UVRAG: variants seen among roughly 807,000 people sequenced by gnomAD.
UVRAG encodes the protein UV radiation resistance associated, also known as UV radiation resistance-associated gene protein.
Under a neutral mutation model 78.0 loss-of-function variants are expected in UVRAG, and 19 were observed. The observed-to-expected ratio is 0.24, with a 90% CI of 0.17 to 0.36. The LOEUF (loss-of-function observed/expected upper bound fraction) is 0.36. Among genes scored for constraint, UVRAG ranks in the 10% least tolerant of loss-of-function variants. The pLI is 1.00. For synonymous variants in UVRAG, 323 were observed against 324.6 expected, an observed-to-expected ratio of 1.00 and a Z score of 0.05; for missense variants, 740 against 853.8, an observed-to-expected ratio of 0.87 and a Z score of 1.66.
chr11:75,930,858 T>A (rs1591030952), intron 6 of UVRAG: 1 of 152,312 alleles, frequency 6.6e-6, no homozygotes, highest in East Asian at 1.9e-4. Context: ...TACTGAGTTT[T>A]CACTACCCAC....
chr11:76,088,395 A>G (rs1951631617), intron 13 of UVRAG, among the ~76,000 whole-genome samples: 1 of 151,974 alleles, frequency 6.6e-6, no homozygotes, highest in African/African-American at 2.4e-5. Flanking sequence ...TGTTATGTCC[A>G]CCCCTGCTTA....
At chr11:76,085,812 A>G (rs947710063) in intron 13 of UVRAG, among the ~76,000 whole-genome samples, 1 of 152,190 alleles carries the variant, frequency 6.6e-6, no homozygotes, top group Non-Finnish European at 1.5e-5. Flanking sequence ...CTTGTGATCA[A>G]GGTAAGCAGG....
intron 12 of UVRAG, among the ~76,000 whole-genome samples, chr11:76,057,911 T>TTTG (rs1018573309): frequency 5.3e-5 from 8 of 152,072 alleles, no homozygotes; most frequent in East Asian, 3.9e-4. Flanking sequence ...TTCACAGGTT[T>TTTG]TTGTTGTTGT....
intron 7 of UVRAG, among the ~76,000 whole-genome samples, chr11:75,971,037 T>C (rs893902253): frequency 2.0e-5 from 3 of 152,210 alleles, no homozygotes; most frequent in African/African-American, 7.2e-5. Context: ...CTCCCTCCTC[T>C]GGCAACTGAT....
Position 76,010,676 on chromosome 11 carries a change from G to T in UVRAG, c.1060+1809G>T, listed in dbSNP as rs977901213. On this transcript the variant is annotated intron_variant, in intron 11 of 14. Transcript: ENST00000356136. ...AAGATATCTATATCTGTAATTTCTT[G>T]TGATGATTGAATGAAATCACATTTG... Among the ~76,000 whole-genome samples, 25 of 152,102 alleles carry T rather than the reference G, an allele frequency of 1.6e-4. 1 individual carries two copies. The highest frequency in any genetic ancestry group is 1.4e-3 in the Admixed American group (22 of 15,266).
intron 13 of UVRAG, among the ~76,000 whole-genome samples, chr11:76,106,182 A>G (rs535420986): frequency 6.6e-6 from 1 of 152,300 alleles, no homozygotes; most frequent in East Asian, 1.9e-4. Flanking sequence ...CAGACTACTC[A>G]CACATATAGT....
At chr11:76,130,097 T>C (rs769109582) in intron 14 of UVRAG, among the ~76,000 whole-genome samples, 1 of 152,194 alleles carries the variant, frequency 6.6e-6, no homozygotes, top group African/African-American at 2.4e-5. Context: ...ATTGTTATCT[T>C]TCTTGATAAA....
At chr11:75,931,473 C>A (rs535951760) in intron 6 of UVRAG, among the ~76,000 whole-genome samples, 152 of 152,072 alleles carry the variant, frequency 1.0e-3, no homozygotes, top group African/African-American at 3.4e-3. Flanking sequence ...CTTTTGTTCC[C>A]CAAACAAACT....
chr11:76,037,799 A>G (rs1355755083), intron 12 of UVRAG, among the ~76,000 whole-genome samples: 1 of 152,194 alleles, frequency 6.6e-6, no homozygotes, highest in Non-Finnish European at 1.5e-5. Context: ...TGTAAATGGT[A>G]GGCAGAATTT....
intron 5 of UVRAG, among the ~76,000 whole-genome samples, chr11:75,894,259 A>G (rs1271834087): frequency 6.6e-6 from 1 of 152,090 alleles, no homozygotes. Flanking sequence ...GGAAAAAGTG[A>G]GGGTAAAAGT....
chr11:76,004,200 TC>T, intron 9 of UVRAG, 111 bp downstream of exon 9: 1 of 986,176 alleles, frequency 1.0e-6, no homozygotes. Flanking sequence ...CCCATATACC[TC>T]AGTACCACAT....
At chr11:75,874,487 A>G (rs966337804) in intron 3 of UVRAG, among the ~76,000 whole-genome samples, 3 of 152,196 alleles carry the variant, frequency 2.0e-5, no homozygotes, top group African/African-American at 7.2e-5. Flanking sequence ...ATTATGATGC[A>G]TTTTATGATT....
intron 6 of UVRAG, among the ~76,000 whole-genome samples, chr11:75,940,944 C>G (rs1948471613): frequency 3.3e-5 from 5 of 151,894 alleles, no homozygotes; most frequent in Admixed American, 3.3e-4. Context: ...AAGTAGACAT[C>G]ATTAATTGTG....
intron 5 of UVRAG, among the ~76,000 whole-genome samples, chr11:75,889,767 T>A (rs1029718371): frequency 1.3e-5 from 2 of 152,190 alleles, no homozygotes; most frequent in African/African-American, 2.4e-5. Context: ...ATGGATAATT[T>A]CCTGCTGTTG....
intron 6 of UVRAG, among the ~76,000 whole-genome samples, chr11:75,917,699 C>A (rs751574643): frequency 2.0e-5 from 3 of 152,180 alleles, no homozygotes; most frequent in Non-Finnish European, 2.9e-5. Context: ...TCTTCCTTTT[C>A]TTTTCCCTGG....
chr11:76,136,402 C>T (rs1952597476), intron 14 of UVRAG, among the ~76,000 whole-genome samples: 1 of 151,916 alleles, frequency 6.6e-6, no homozygotes, highest in Non-Finnish European at 1.5e-5. Flanking sequence ...TTCAGTGAAG[C>T]AACCATTTAG....
chr11:75,846,347 C>T (rs1228481756), intron 1 of UVRAG, among the ~76,000 whole-genome samples: 1 of 152,162 alleles, frequency 6.6e-6, no homozygotes, highest in Non-Finnish European at 1.5e-5. Flanking sequence ...GGTTTCAGAC[C>T]ACTCAGAACC....
chr11:75,940,004 A>G (rs1438205459), intron 6 of UVRAG, among the ~76,000 whole-genome samples: 1 of 152,210 alleles, frequency 6.6e-6, no homozygotes, highest in East Asian at 1.9e-4. Context: ...AATTAATCAC[A>G]TGTATTGGCA....
chr11:76,090,695 C>T (rs921527400), intron 13 of UVRAG, among the ~76,000 whole-genome samples: 1 of 152,020 alleles, frequency 6.6e-6, no homozygotes, highest in Admixed American at 6.6e-5. Flanking sequence ...TCCTTTGGAG[C>T]TTATTTTCTT....
Sources: allele counts gnomAD v4.1 joint callset (sites outside exome capture counted in the v4.1 genomes callset), GRCh38; gene constraint gnomAD v4.1.1; transcripts MANE v1.5; gene names NCBI Gene and HGNC (gene_info 2026-07-23, HGNC 2026-07-21).